Variants in LRRC4C observed in about 807,000 individuals in gnomAD.
LRRC4C encodes leucine rich repeat containing 4C.
Under a neutral mutation model 33.6 loss-of-function variants are expected in LRRC4C, and 5 were observed. The observed-to-expected ratio is 0.15, with a 90% CI of 0.08 to 0.31. The LOEUF (loss-of-function observed/expected upper bound fraction) is 0.31, where lower values mean the gene tolerates loss of function less well. Ranked by LOEUF, LRRC4C falls within the 10% of genes least tolerant of loss-of-function variation. The pLI is 1.00. For synonymous variants in LRRC4C, 329 were observed against 302.0 expected (o/e 1.09, Z -0.93); for missense variants, 560 against 796.7 (o/e 0.70, Z 3.58).
chr11:41,310,260 T>C (rs1424768297), intron 1 of LRRC4C, among the ~76,000 whole-genome samples: 2 of 152,220 alleles, frequency 1.3e-5, no homozygotes, highest in Non-Finnish European at 2.9e-5. Flanking sequence ...ACATCACATA[T>C]TAAAGAGATC....
At chr11:41,294,369 C>G (rs1465348841) in intron 1 of LRRC4C, among the ~76,000 whole-genome samples, 2 of 152,162 alleles carry the variant, frequency 1.3e-5, no homozygotes, top group Admixed American at 6.6e-5. Context: ...CTTACTTAGT[C>G]AGCTGTGATT....
chr11:41,392,394 G>A (rs994009780), intron 1 of LRRC4C, among the ~76,000 whole-genome samples: 5 of 151,704 alleles, frequency 3.3e-5, no homozygotes, highest in Non-Finnish European at 7.4e-5. Flanking sequence ...ACTGGGCTCT[G>A]TATATTTCAA....
intron 2 of LRRC4C, among the ~76,000 whole-genome samples, chr11:40,668,800 A>G (rs1943942306): frequency 6.6e-6 from 1 of 152,162 alleles, no homozygotes; most frequent in African/African-American, 2.4e-5. Context: ...TTCACTTCTG[A>G]TTTATATTCG....
At chr11:41,316,257 G>T (rs2137227549) in intron 1 of LRRC4C, among the ~76,000 whole-genome samples, 1 of 64,898 alleles carries the variant, frequency 1.5e-5, no homozygotes, top group South Asian at 5.9e-4. Flanking sequence ...AAAATCTCTG[G>T]ATGGCAAAAA....
intron 3 of LRRC4C, among the ~76,000 whole-genome samples, chr11:40,585,430 A>C (rs1958678456): frequency 6.6e-6 from 1 of 152,138 alleles, no homozygotes; most frequent in Admixed American, 6.5e-5. Context: ...ACATGGACTT[A>C]AAAAAAGACA....
At chr11:41,337,052 C>CT (rs1029770352) in intron 1 of LRRC4C, among the ~76,000 whole-genome samples, 129 of 148,456 alleles carry the variant, frequency 8.7e-4, no homozygotes, top group South Asian at 3.4e-3. Context: ...AATTCTTTTT[C>CT]TTTTTTTTTT....
intron 5 of LRRC4C, among the ~76,000 whole-genome samples, chr11:40,223,665 G>C (rs934112420): frequency 5.9e-5 from 9 of 152,096 alleles, no homozygotes; most frequent in Admixed American, 1.3e-4. Flanking sequence ...ACAATCATTA[G>C]TGCACACACT....
At chr11:40,330,522 C>T (rs1376073291) in intron 3 of LRRC4C, among the ~76,000 whole-genome samples, 1 of 152,018 alleles carries the variant, frequency 6.6e-6, no homozygotes, top group African/African-American at 2.4e-5. Flanking sequence ...TGAAGAAATA[C>T]CCAAGACTGG....
chr11:41,450,658 T>C (rs1955988858), intron 1 of LRRC4C, among the ~76,000 whole-genome samples: 1 of 152,106 alleles, frequency 6.6e-6, no homozygotes. Context: ...GTTTTTAATA[T>C]ATCATCTGAA....
At chr11:40,396,648 A>G (rs879850873) in intron 3 of LRRC4C, among the ~76,000 whole-genome samples, 1 of 152,138 alleles carries the variant, frequency 6.6e-6, no homozygotes, top group Non-Finnish European at 1.5e-5. Flanking sequence ...TCTATTTTGC[A>G]TATCACAGCA....
chr11:40,847,317 T>C (rs1312694442), intron 2 of LRRC4C, among the ~76,000 whole-genome samples: 3 of 152,170 alleles, frequency 2.0e-5, no homozygotes, highest in African/African-American at 7.2e-5. Flanking sequence ...TGATATACTT[T>C]CCATCAATAC....
intron 1 of LRRC4C, among the ~76,000 whole-genome samples, chr11:41,297,069 C>T (rs747727584): frequency 6.6e-5 from 10 of 152,070 alleles, no homozygotes; most frequent in East Asian, 5.8e-4. Flanking sequence ...TATATCAAAA[C>T]GGTTGAGAGA....
intron 3 of LRRC4C, among the ~76,000 whole-genome samples, chr11:40,642,447 A>G (rs1942182814): frequency 6.6e-6 from 1 of 152,204 alleles, no homozygotes; most frequent in Non-Finnish European, 1.5e-5. Context: ...GTTAACTCCC[A>G]TAGCAAGCCA....
intron 1 of LRRC4C, among the ~76,000 whole-genome samples, chr11:41,105,713 T>C (rs187613403): frequency 2.0e-5 from 3 of 152,164 alleles, no homozygotes; most frequent in African/African-American, 2.4e-5. Flanking sequence ...ACAACTTCGA[T>C]GTACAATTGG....
intron 3 of LRRC4C, among the ~76,000 whole-genome samples, chr11:40,519,353 G>T (rs943092931): frequency 1.3e-5 from 2 of 152,124 alleles, no homozygotes; most frequent in African/African-American, 4.8e-5. Flanking sequence ...ATTAACATAT[G>T]ACCCCCAGAT....
At chr11:40,586,615 A>C (rs569289067) in intron 3 of LRRC4C, among the ~76,000 whole-genome samples, 1 of 149,110 alleles carries the variant, frequency 6.7e-6, no homozygotes, top group Non-Finnish European at 1.5e-5. Flanking sequence ...TAGGTCTAAC[A>C]TTTAAGTCTT....
At position 40,591,943 on chromosome 11, in the gene LRRC4C, G is replaced by A. The variant is rs144656424; in HGVS notation, c.-270+56199C>T. On this transcript the variant is annotated intron_variant, in intron 3 of 6. Coordinates refer to ENST00000528697, the MANE Select transcript of LRRC4C (RefSeq NM_001258419.2). ...AATTCTTTCTTTGCTTTACTTTTGCGTCTATCCTATAAAAGTTCCTTTGTG... is the reference window on the plus strand; with the variant it reads ...AATTCTTTCTTTGCTTTACTTTTGCATCTATCCTATAAAAGTTCCTTTGTG... Among the ~76,000 whole-genome samples, 381 of 152,264 alleles carry A rather than the reference G, an allele frequency of 2.5e-3. 1 individual carries two copies. The highest frequency in any genetic ancestry group is 3.6e-3 in the Non-Finnish European group (244 of 68,018).
chr11:40,639,905 A>G (rs1328882603), intron 3 of LRRC4C, among the ~76,000 whole-genome samples: 1 of 151,908 alleles, frequency 6.6e-6, no homozygotes, highest in Non-Finnish European at 1.5e-5. Context: ...TGGATTAAGC[A>G]GGATTGGAGC....
At chr11:40,652,749 CAGTGAGAAA>C (rs1233218512) in intron 2 of LRRC4C, among the ~76,000 whole-genome samples, 2 of 152,180 alleles carry the variant, frequency 1.3e-5, no homozygotes, top group Non-Finnish European at 2.9e-5. Flanking sequence ...ATATCAGAAT[CAGTGAGAAA>C]AGAGAGAAAA....
Sources: gnomAD v4.1 joint callset for allele counts (sites outside exome capture counted in the v4.1 genomes callset) on GRCh38, gnomAD v4.1.1 for gene constraint, MANE v1.5 for transcripts, NCBI Gene and HGNC (gene_info 2026-07-23, HGNC 2026-07-21) for gene names.